Variants in TNS1 observed in about 807,000 individuals in gnomAD.
TNS1 encodes tensin 1.
Under a neutral mutation model 168.6 loss-of-function variants are expected in TNS1, and 62 were observed. The ratio of observed to expected loss-of-function variants is 0.37; its 90% CI spans 0.30 to 0.45. The LOEUF (loss-of-function observed/expected upper bound fraction) is 0.45, where lower values mean the gene tolerates loss of function less well. Ranked by LOEUF, TNS1 falls within the 20% of genes least tolerant of loss-of-function variation. The probability of loss-of-function intolerance (pLI) is 1.00; values close to 1 mark genes in which losing one functional copy is unlikely to be tolerated. For missense variants in TNS1, 2,240 were observed against 2,339.4 expected (o/e 0.96, Z 0.88); for synonymous variants, 934 against 933.2 (o/e 1.00, Z -0.02).
At chr2:217,923,831 C>A (rs931790473) in intron 3 of TNS1, among the ~76,000 whole-genome samples, 2 of 152,178 alleles carry the variant, frequency 1.3e-5, no homozygotes, top group Non-Finnish European at 2.9e-5. Flanking sequence ...AGGTGGAGCC[C>A]CGTGGGTGCA....
At chr2:217,964,734 C>A (rs1957581248) in intron 3 of TNS1, among the ~76,000 whole-genome samples, 1 of 152,210 alleles carries the variant, frequency 6.6e-6, no homozygotes. Flanking sequence ...TCCCCTGCTT[C>A]CTTGAACAGG....
chr2:217,980,849 G>A (rs1383970449), intron 2 of TNS1, among the ~76,000 whole-genome samples: 4 of 152,016 alleles, frequency 2.6e-5, no homozygotes, highest in Admixed American at 2.6e-4. Context: ...TCAGCTGCCT[G>A]GTACACTCCC....
At chr2:217,859,524 G>A in intron 18 of TNS1, 1 of 905,388 alleles carries the variant, frequency 1.1e-6, no homozygotes, top group Non-Finnish European at 1.7e-6. Flanking sequence ...TCCAGGAGGG[G>A]ACAGGAGCCC....
chr2:218,027,112 A>AACAC (rs149386054), intron 1 of TNS1, among the ~76,000 whole-genome samples: 6 of 150,616 alleles, frequency 4.0e-5, no homozygotes, highest in African/African-American at 1.2e-4. Context: ...CCACCCCACA[A>AACAC]ACACACACAC....
chr2:217,880,769 G>A lies in TNS1; in HGVS notation c.1429+129C>T. The A allele has an allele frequency of 1.4e-6, 1 of 705,632 alleles. No individual in the cohort carries two copies. Among genetic ancestry groups the A allele is most frequent in the Non-Finnish European group, 2.5e-6 (1 of 396,816 alleles). The allele number at this position is 705,632 out of a possible 1,614,324, so 43.7% of individuals were successfully genotyped here. A position where few individuals can be genotyped will look rare whatever the true frequency, so the allele number is the denominator to read the frequency against. ...CCCAGTTAACGGTGAGCTCTCGGAG[G>A]TACCTCACACTTCCCCTCTGCCTCC... On this transcript the variant is annotated intron_variant, in intron 18 of 32. Transcript: ENST00000682258. This position sits in a 1 kb window ranked among gnomAD's most constrained non-coding sequence, Gnocchi z 4.2.
At position 217,855,275 on chromosome 2, in the gene TNS1, T is replaced by C. The variant is rs144573019; in HGVS notation, c.1430-6188A>G. 3.7e-4 allele frequency among the ~76,000 whole-genome samples: 56 copies of C among 152,348 alleles called. No homozygotes were observed. The East Asian group carries it at 0.01, about 28-fold the overall frequency. On this transcript the variant is annotated intron_variant, in intron 18 of 32. Transcript: ENST00000682258. ...AACTCTTCATATGCTCTTTCCCCTC[T>C]GTGCATGCTGTTCCTTCCGTGCAAT...
intron 21 of TNS1, among the ~76,000 whole-genome samples, chr2:217,833,975 A>T (rs1315046469): frequency 4.6e-5 from 7 of 152,250 alleles, no homozygotes; most frequent in Non-Finnish European, 1.0e-4. Flanking sequence ...GATATTTTGG[A>T]TTTAACAAAA....
chr2:217,928,640 G>T (rs1156417427), intron 3 of TNS1, among the ~76,000 whole-genome samples: 1 of 152,122 alleles, frequency 6.6e-6, no homozygotes, highest in Admixed American at 6.5e-5. Flanking sequence ...AAGCAGACAG[G>T]ACACAGGGGA....
At chr2:217,993,786 C>T (rs186538621) in intron 1 of TNS1, among the ~76,000 whole-genome samples, 4 of 152,254 alleles carry the variant, frequency 2.6e-5, no homozygotes, top group Admixed American at 2.0e-4. Flanking sequence ...ATTTTGATAG[C>T]GGGGCTGGTC....
At chr2:217,920,271 A>G (rs1955583105) in intron 3 of TNS1, 35 bp from the exon 4 acceptor site, 1 of 702,806 alleles carries the variant, frequency 1.4e-6, no homozygotes, top group African/African-American at 1.7e-5. Flanking sequence ...AGGTGAGCAT[A>G]TCTTGTCTCT....
chr2:217,903,557 T>C (rs1274047708), intron 6 of TNS1: 1 of 1,527,362 alleles, frequency 6.5e-7, no homozygotes, highest in South Asian at 1.2e-5. Context: ...TACAGAACTT[T>C]TCATCCAACT....
chr2:217,903,567 T>C, intron 6 of TNS1: 1 of 1,528,550 alleles, frequency 6.5e-7, no homozygotes, highest in South Asian at 1.2e-5. Context: ...TTCATCCAAC[T>C]CTCTAAACAC....
intron 3 of TNS1, among the ~76,000 whole-genome samples, chr2:217,956,590 C>CT (rs1957369057): frequency 6.6e-6 from 1 of 152,174 alleles, no homozygotes; most frequent in Non-Finnish European, 1.5e-5. Flanking sequence ...CTTTCTCCCC[C>CT]TGTAACCTGA....
intron 21 of TNS1, 130 bp from the exon 22 acceptor site, chr2:217,831,677 C>T (rs1256374127): frequency 6.5e-6 from 4 of 611,048 alleles, no homozygotes; most frequent in South Asian, 6.2e-5. Context: ...CACCCTGAGG[C>T]CCAGCGCTTT....
At chr2:217,976,598 A>C (rs913246545) in intron 3 of TNS1, among the ~76,000 whole-genome samples, 3 of 152,206 alleles carry the variant, frequency 2.0e-5, no homozygotes, top group African/African-American at 7.2e-5. Flanking sequence ...GCACTGCGGC[A>C]GCCTGGTGCA....
chr2:217,834,754 C>T (rs1243706861), intron 21 of TNS1, among the ~76,000 whole-genome samples: 1 of 152,172 alleles, frequency 6.6e-6, no homozygotes, highest in African/African-American at 2.4e-5. Context: ...CAAAGAGTCA[C>T]GCTAAGATGG....
At chr2:218,023,939 G>A (rs1958831660) in intron 1 of TNS1, among the ~76,000 whole-genome samples, 1 of 152,200 alleles carries the variant, frequency 6.6e-6, no homozygotes, top group Non-Finnish European at 1.5e-5. Context: ...AGACTTCAGA[G>A]AGTGACAAAA....
At chr2:217,906,822 G>A (rs777015364) in intron 5 of TNS1, among the ~76,000 whole-genome samples, 1 of 152,090 alleles carries the variant, frequency 6.6e-6, no homozygotes, top group Non-Finnish European at 1.5e-5. Flanking sequence ...TTCATCTTCC[G>A]CATAGCCTTG....
intron 1 of TNS1, among the ~76,000 whole-genome samples, chr2:218,030,230 G>C (rs1958880972): frequency 6.6e-6 from 1 of 152,182 alleles, no homozygotes; most frequent in African/African-American, 2.4e-5. Context: ...ACAGGTCCCG[G>C]CTCTTCTCCA....
Sources: allele counts gnomAD v4.1 joint callset (sites outside exome capture counted in the v4.1 genomes callset), GRCh38; gene constraint gnomAD v4.1.1; non-coding constraint Gnocchi (gnomAD v3.1); transcripts MANE v1.5; gene names NCBI Gene and HGNC (gene_info 2026-07-23, HGNC 2026-07-21).